The following WNK3 variants were observed in gnomAD, a reference collection of about 807,000 sequenced individuals.
WNK3 encodes the protein serine/threonine-protein kinase WNK3.
Under a neutral mutation model 116.7 loss-of-function variants are expected in WNK3, and 18 were observed. The ratio of observed to expected loss-of-function variants is 0.15; its 90% CI spans 0.11 to 0.23. The LOEUF is 0.23. Among genes scored for constraint, WNK3 ranks in the 10% least tolerant of loss-of-function variants. The probability of loss-of-function intolerance (pLI) is 1.00; values close to 1 mark genes in which losing one functional copy is unlikely to be tolerated. For synonymous variants in WNK3, 404 were observed against 469.4 expected (o/e 0.86, Z 1.80); for missense variants, 993 against 1,323.8 (o/e 0.75, Z 3.88).
At chrX:54,279,811 A>G (rs994448248) in intron 10 of WNK3, among the ~76,000 whole-genome samples, 1 of 111,811 alleles carries the variant, frequency 8.9e-6, no homozygotes, top group Non-Finnish European at 1.9e-5. Flanking sequence ...ACTGTACACT[A>G]TAAATATATG....
chrX:54,198,557 G>A lies in WNK3; in HGVS notation c.5170C>T (p.Leu1724Phe), dbSNP rs781979498. 4 of 1,210,841 alleles carry A rather than the reference G, an allele frequency of 3.3e-6. No homozygotes were observed. In the Admixed American group the frequency reaches 8.7e-5, roughly 26 times the overall value. Residue 1724 changes from leucine (L) to phenylalanine (F), a missense_variant, in exon 24 of 24, where the codon CTC becomes TTC. By Grantham distance (22) the Leu-to-Phe change is conservative. Transcript: ENST00000354646. ...GATAATGGCCCAGGAAATGAAGGGAGTGAGAGTCCTTGTGGCAAGGAAGTT... is the reference window on the plus strand; with the variant it reads ...GATAATGGCCCAGGAAATGAAGGGAATGAGAGTCCTTGTGGCAAGGAAGTT...
chrX:54,251,401 C>T (rs1475463200), exon 15 of WNK3: 1 of 1,166,146 alleles, frequency 8.6e-7, no homozygotes, highest in East Asian at 3.0e-5. Flanking sequence ...ATACTTACTG[C>T]TGGTTTGAGT....
chrX:54,247,310 ATATT>A (rs1420617325), intron 17 of WNK3, among the ~76,000 whole-genome samples: 5 of 111,188 alleles, frequency 4.5e-5, no homozygotes, highest in Non-Finnish European at 7.6e-5. Flanking sequence ...ACATTATGTG[ATATT>A]TATTATTTAA....
At chrX:54,193,704 T>G (rs1271155530) in exon 24 of WNK3, 4 of 111,510 alleles carry the variant, frequency 3.6e-5, no homozygotes, top group Non-Finnish European at 7.5e-5. Context: ...CAGGGTGACC[T>G]GAAGGCATTT....
At chrX:54,326,564 G>A (rs1452036340) in intron 2 of WNK3, among the ~76,000 whole-genome samples, 1 of 111,172 alleles carries the variant, frequency 9.0e-6, no homozygotes, top group Non-Finnish European at 1.9e-5. Context: ...TGGGTGCAGT[G>A]GCTCATGCCT....
intron 2 of WNK3, among the ~76,000 whole-genome samples, chrX:54,322,026 T>G (rs891565396): frequency 1.9e-5 from 2 of 105,801 alleles, no homozygotes; most frequent in Non-Finnish European, 3.9e-5. Flanking sequence ...TGCTCACAAG[T>G]GGTAGTCAAG....
intron 1 of WNK3, among the ~76,000 whole-genome samples, chrX:54,347,432 G>A (rs782666306): frequency 9.9e-5 from 11 of 111,341 alleles, no homozygotes; most frequent in Non-Finnish European, 1.7e-4. Flanking sequence ...GTTACAGTGA[G>A]CCAAGATAGC....
intron 1 of WNK3, among the ~76,000 whole-genome samples, chrX:54,351,371 T>G (rs1238588989): frequency 8.2e-5 from 9 of 110,209 alleles, no homozygotes; most frequent in African/African-American, 3.0e-4. Context: ...TAACAAATGG[T>G]TATCTATGGG....
At chrX:54,210,023 T>C (rs1254044012) in intron 22 of WNK3, among the ~76,000 whole-genome samples, 1 of 112,037 alleles carries the variant, frequency 8.9e-6, no homozygotes, top group African/African-American at 3.2e-5. Flanking sequence ...CATTTGACCA[T>C]GTAACACCTA....
chrX:54,291,385 TAAC>T (rs1345126511), intron 10 of WNK3, among the ~76,000 whole-genome samples: 71 of 112,174 alleles, frequency 6.3e-4, no homozygotes, highest in East Asian at 3.3e-3. Context: ...GCTGGAGAAA[TAAC>T]AAGTAATTTT....
At chrX:54,230,675 A>C (rs2067890906) in intron 21 of WNK3, among the ~76,000 whole-genome samples, 1 of 112,380 alleles carries the variant, frequency 8.9e-6, no homozygotes, top group Admixed American at 9.5e-5. Context: ...TATTTCATCC[A>C]AGTGATCTGA....
chrX:54,213,553 C>CAAAAAAAAAAAAAAAAAAAAAA (rs782580375), intron 22 of WNK3, among the ~76,000 whole-genome samples: 12 of 14,233 alleles, frequency 8.4e-4, no homozygotes, highest in East Asian at 1.4e-3. Flanking sequence ...GACTCCGTCT[C>CAAAAAAAAAAAAAAAAAAAAAA]AAAAAAAAAA....
intron 22 of WNK3, chrX:54,223,197 T>C (rs1211280819): frequency 9.1e-6 from 1 of 110,199 alleles, no homozygotes; most frequent in Non-Finnish European, 1.9e-5. Context: ...AACACAATTC[T>C]GATTTAAAGA....
intron 5 of WNK3, among the ~76,000 whole-genome samples, chrX:54,306,290 C>T (rs1448436816): frequency 2.7e-5 from 3 of 111,231 alleles, no homozygotes; most frequent in Admixed American, 9.7e-5. Context: ...AATTCTACTT[C>T]TTGGTACATA....
At chrX:54,316,070 A>G (rs190770044) in intron 2 of WNK3, among the ~76,000 whole-genome samples, 68 of 111,349 alleles carry the variant, frequency 6.1e-4, no homozygotes, top group Admixed American at 5.3e-3. Flanking sequence ...GGGCATAACT[A>G]TACAAAGAGA....
At chrX:54,253,065 T>C (rs2068152376) in intron 13 of WNK3, among the ~76,000 whole-genome samples, 1 of 110,196 alleles carries the variant, frequency 9.1e-6, no homozygotes, top group African/African-American at 3.3e-5. Context: ...ACTAACACAT[T>C]AGAATTACAA....
intron 12 of WNK3, among the ~76,000 whole-genome samples, chrX:54,254,313 C>T (rs1334332398): frequency 6.2e-5 from 7 of 112,085 alleles, no homozygotes; most frequent in African/African-American, 2.3e-4. Context: ...GAAAACAATA[C>T]AACTTTTATA....
Position 54,275,415 on chromosome X carries a change from ATGTGTGTGTGTGTG to A in WNK3, c.2038-16091_2038-16078del, listed in dbSNP as rs782672834. Among the ~76,000 whole-genome samples, 358 of 64,424 alleles carry A rather than the reference ATGTGTGTGTGTGTG, an allele frequency of 5.6e-3. 4 individuals carry two copies. The highest frequency in any genetic ancestry group is 0.017 in the African/African-American group (316 of 18,609). 55.9% of individuals were successfully genotyped at this position (64,424 alleles called of 115,157 possible). A position where few individuals can be genotyped will look rare whatever the true frequency, so the allele number is the denominator to read the frequency against. ...CGGTATCTGTAGGGTATAAGTTCAT[ATGTGTGTGTGTGTG>A]TGTGTGTGTGTGTGTGTGTGTGTGT... On this transcript the variant is annotated intron_variant, in intron 10 of 23. Coordinates refer to ENST00000354646, the Ensembl canonical transcript of WNK3.
chrX:54,220,535 G>A (rs1485346017), intron 22 of WNK3, among the ~76,000 whole-genome samples: 1 of 110,307 alleles, frequency 9.1e-6, no homozygotes, highest in African/African-American at 3.3e-5. Context: ...TGAGGGACAG[G>A]GTCAGACCCT....
Sources: allele counts gnomAD v4.1 joint callset (sites outside exome capture counted in the v4.1 genomes callset), GRCh38; gene constraint gnomAD v4.1.1; transcripts MANE v1.5; gene names NCBI Gene and HGNC (gene_info 2026-07-23, HGNC 2026-07-21).